MARCHF1: variants seen among roughly 807,000 people sequenced by gnomAD.
MARCHF1 encodes the protein E3 ubiquitin-protein ligase MARCHF1.
A neutral mutation model predicts 54.2 loss-of-function variants in MARCHF1; 40 were observed. That is an observed-to-expected ratio of 0.74 (90% CI 0.57 to 0.96). The LOEUF (loss-of-function observed/expected upper bound fraction) is 0.96, where lower values mean the gene tolerates loss of function less well. MARCHF1 is among the 40% of genes least tolerant of loss of function. The pLI, the probability that MARCHF1 is intolerant of heterozygous loss-of-function variation, is 0.00. For synonymous variants in MARCHF1, 236 were observed against 236.3 expected, an observed-to-expected ratio of 1.00 and a Z score of 0.01; for missense variants, 586 against 656.5, an observed-to-expected ratio of 0.89 and a Z score of 1.17.
chr4:163,551,193 G>A (rs1254242545), intron 8 of MARCHF1, among the ~76,000 whole-genome samples: 2 of 152,166 alleles, frequency 1.3e-5, no homozygotes, highest in Admixed American at 6.5e-5. Context: ...GAACTGAAAT[G>A]ATTCAGAGTT....
chr4:163,543,585 C>T (rs1208399777), intron 9 of MARCHF1, among the ~76,000 whole-genome samples: 1 of 152,034 alleles, frequency 6.6e-6, no homozygotes, highest in African/African-American at 2.4e-5. Flanking sequence ...CGGGGGCCTA[C>T]AGAATGAGCA....
chr4:163,681,570 C>T (rs1246317599), intron 5 of MARCHF1, among the ~76,000 whole-genome samples: 2 of 152,176 alleles, frequency 1.3e-5, no homozygotes, highest in Non-Finnish European at 2.9e-5. Context: ...TGCTGCTGTT[C>T]TCATGATAGT....
In MARCHF1 at chr4:163,596,517, G is replaced by GCGA. The variant is rs1161910915; in HGVS notation, c.1011-10591_1011-10589dup. 2.2e-5 allele frequency among the ~76,000 whole-genome samples: 3 copies of GCGA among 134,918 alleles called. No individual in the cohort carries two copies. In the Admixed American group the frequency reaches 2.5e-4, roughly 11 times the overall value. The allele number at this position is 134,918 out of a possible 152,430, so 88.5% of individuals were successfully genotyped here. ...ATTGTACCACTGCACTCCAGCCTGG[G>GCGA]CGACAGTGTGAGGCTGTCTCAAAAA... On this transcript the variant is annotated intron_variant, in intron 7 of 9. Transcript: ENST00000514618.
intron 5 of MARCHF1, among the ~76,000 whole-genome samples, chr4:163,684,723 C>T (rs1744214249): frequency 6.6e-6 from 1 of 152,184 alleles, no homozygotes; most frequent in Non-Finnish European, 1.5e-5. Context: ...CTTCCCTTTG[C>T]TCCTCCAATC....
rs1734239251 is a variant in MARCHF1, at chr4:164,289,629, G to A, written c.-323+94241C>T. Among the ~76,000 whole-genome samples the A allele has an allele frequency of 2.7e-5, 4 of 147,010 alleles. No individual in the cohort carries two copies. The South Asian group carries it at 8.6e-4, about 32-fold the overall frequency. The stretch of plus-strand genomic sequence containing the variant: ...AACCTGTTCAAACCATCGTTCCCCA[G>A]ATTTAAGCAACAGCGGTTATACTTG... On this transcript the variant is annotated intron_variant, in intron 1 of 9. Transcript: ENST00000514618.
At chr4:164,224,314 ATTC>A (rs1387274745) in intron 1 of MARCHF1, among the ~76,000 whole-genome samples, 6 of 151,832 alleles carry the variant, frequency 4.0e-5, no homozygotes, top group African/African-American at 1.5e-4. Flanking sequence ...ACCCAAGACA[ATTC>A]TTCGTCTTCC....
At chr4:164,089,563 T>G (rs1191479474) in intron 2 of MARCHF1, among the ~76,000 whole-genome samples, 1 of 152,130 alleles carries the variant, frequency 6.6e-6, no homozygotes, top group Non-Finnish European at 1.5e-5. Context: ...ACACACTAAA[T>G]ATGTGCAGCT....
chr4:163,843,381 G>A (rs1391455173), intron 4 of MARCHF1, among the ~76,000 whole-genome samples: 1 of 152,052 alleles, frequency 6.6e-6, no homozygotes, highest in Non-Finnish European at 1.5e-5. Context: ...TATATACCTA[G>A]TAATGAGATT....
chr4:164,069,632 G>A (rs1286992330), intron 2 of MARCHF1, among the ~76,000 whole-genome samples: 5 of 151,890 alleles, frequency 3.3e-5, no homozygotes, highest in Non-Finnish European at 7.4e-5. Flanking sequence ...GAACACATCC[G>A]AACATCAGAA....
At chr4:164,020,500 C>A (rs1213742340) in intron 2 of MARCHF1, among the ~76,000 whole-genome samples, 2 of 152,208 alleles carry the variant, frequency 1.3e-5, no homozygotes, top group African/African-American at 4.8e-5. Context: ...ACTGAGAAGT[C>A]TGCTTACTTT....
chr4:164,222,771 G>C (rs558396356), intron 1 of MARCHF1, among the ~76,000 whole-genome samples: 62 of 152,096 alleles, frequency 4.1e-4, no homozygotes, highest in African/African-American at 1.4e-3. Context: ...CAGTGTTTAT[G>C]ACATGTATTA....
At chr4:164,181,134 C>T (rs1315416606) in intron 1 of MARCHF1, among the ~76,000 whole-genome samples, 2 of 152,152 alleles carry the variant, frequency 1.3e-5, no homozygotes, top group Non-Finnish European at 2.9e-5. Context: ...CCCACTTTAG[C>T]CACCTAAGCC....
In MARCHF1 at chr4:163,612,806, A is replaced by T; in HGVS notation, c.475T>A (p.Ser159Thr). The T allele has an allele frequency of 6.5e-7, 1 of 1,535,246 alleles. No homozygotes were observed. The highest frequency in any genetic ancestry group is 8.7e-7 in the Non-Finnish European group (1 of 1,146,514). ...SPRWRELYTD[S>T]SDSSSTDESH... is the part of the protein sequence containing the mutation. ...TCATCTGTGGAAGATGAATCTGAAG[A>T]ATCTGTGTAAAGCTCCCTCCACCTG... Residue 159 changes from serine to threonine, a missense_variant, in exon 7 of 10, where the codon TCT becomes ACT. This residue lies in a region of MARCHF1 where 387 missense variants were observed against 394.6 expected (regional missense o/e 0.98). Coordinates refer to ENST00000514618, the MANE Select transcript of MARCHF1 (RefSeq NM_001394959.1).
intron 1 of MARCHF1, among the ~76,000 whole-genome samples, chr4:164,125,979 A>G (rs1334094968): frequency 1.3e-5 from 2 of 152,220 alleles, no homozygotes; most frequent in Non-Finnish European, 2.9e-5. Context: ...AAAAGTTTGA[A>G]GACCACTGTG....
chr4:164,214,074 C>T (rs1224690258), intron 1 of MARCHF1, among the ~76,000 whole-genome samples: 5 of 151,352 alleles, frequency 3.3e-5, no homozygotes, highest in Non-Finnish European at 7.4e-5. Context: ...TACTATGTAC[C>T]CATAAAAATT....
chr4:163,906,630 C>T (rs1183008796), intron 3 of MARCHF1, among the ~76,000 whole-genome samples: 6 of 151,686 alleles, frequency 4.0e-5, no homozygotes, highest in Non-Finnish European at 7.4e-5. Flanking sequence ...AGCTATGTAG[C>T]AAGTTTGCAT....
rs1299620502 is a variant in MARCHF1 at position 164,007,668 on chromosome 4, G to C, written c.-247-18959C>G. ...TCTCTGTGTGTGTGTGTGTGTGTGT[G>C]TGTGTGTGTGTGTGTGTGTGTTTGC... On this transcript the variant is annotated intron_variant, in intron 2 of 9. Transcript: ENST00000514618. Among the ~76,000 whole-genome samples the C allele has an allele frequency of 1.1e-3, 166 of 151,796 alleles. 1 individual carries two copies. Among genetic ancestry groups the C allele is most frequent in the Non-Finnish European group, 2.2e-3 (146 of 67,868 alleles).
chr4:163,613,657 T>G, intron 5 of MARCHF1: 2 of 1,391,164 alleles, frequency 1.4e-6, no homozygotes, highest in Non-Finnish European at 1.9e-6. Context: ...AAGTTTCTAT[T>G]CTATTTACTG....
At chr4:164,109,927 A>G (rs1344300569) in intron 2 of MARCHF1, among the ~76,000 whole-genome samples, 1 of 149,692 alleles carries the variant, frequency 6.7e-6, no homozygotes, top group African/African-American at 2.4e-5. Flanking sequence ...AAAAAAAAAA[A>G]AAAAAAAAAG....
Sources: gnomAD v4.1 joint callset for allele counts (sites outside exome capture counted in the v4.1 genomes callset) on GRCh38, gnomAD v4.1.1 for gene constraint, gnomAD v4.1.1 regional missense constraint, MANE v1.5 for transcripts, NCBI Gene and HGNC (gene_info 2026-07-23, HGNC 2026-07-21) for gene names.